CCBE1: variants seen among roughly 807,000 people sequenced by gnomAD.
CCBE1 encodes collagen and calcium binding EGF domains 1, also known as collagen and calcium-binding EGF domain-containing protein 1.
CCBE1 carries 37 observed loss-of-function variants against 50.0 expected under a neutral mutation model. The ratio of observed to expected loss-of-function variants is 0.74; its 90% CI spans 0.57 to 0.97. CCBE1 has a LOEUF of 0.97. Among genes scored for constraint, CCBE1 ranks in the 50% least tolerant of loss-of-function variants. The pLI, the probability that CCBE1 is intolerant of heterozygous loss-of-function variation, is 0.00. For missense variants in CCBE1, 538 were observed against 523.8 expected (o/e 1.03, Z -0.26); for synonymous variants, 234 against 203.7 (o/e 1.15, Z -1.27).
At chr18:59,476,130 T>C (rs1444967150) in intron 3 of CCBE1, among the ~76,000 whole-genome samples, 3 of 152,158 alleles carry the variant, frequency 2.0e-5, no homozygotes, top group Non-Finnish European at 4.4e-5. Flanking sequence ...TCTGCCACTA[T>C]CTCGGTGATC....
At chr18:59,653,998 A>G (rs555908558) in intron 2 of CCBE1, among the ~76,000 whole-genome samples, 1 of 152,348 alleles carries the variant, frequency 6.6e-6, no homozygotes, top group South Asian at 2.1e-4. Context: ...CACATTCCTA[A>G]AATATCACAT....
chr18:59,552,824 T>C (rs748478395), intron 2 of CCBE1, among the ~76,000 whole-genome samples: 6 of 152,206 alleles, frequency 3.9e-5, no homozygotes, highest in Non-Finnish European at 5.9e-5. Context: ...TACACTTATG[T>C]CTTTGAAATG....
intron 2 of CCBE1, among the ~76,000 whole-genome samples, chr18:59,489,423 A>ATTTAT (rs1568167362): frequency 6.6e-6 from 1 of 151,470 alleles, no homozygotes; most frequent in African/African-American, 2.4e-5. Context: ...TTATTTATTT[A>ATTTAT]TTTTTTTTGA....
chr18:59,682,134 T>C (rs57266377), intron 2 of CCBE1, among the ~76,000 whole-genome samples: 5 of 152,112 alleles, frequency 3.3e-5, no homozygotes, highest in Non-Finnish European at 7.4e-5. Context: ...GAGGCCAAGG[T>C]GGGCAGATCA....
At chr18:59,442,204 A>C (rs1910462672) in intron 7 of CCBE1, among the ~76,000 whole-genome samples, 1 of 152,128 alleles carries the variant, frequency 6.6e-6, no homozygotes, top group African/African-American at 2.4e-5. Flanking sequence ...GACTTGTTAA[A>C]CTCGGTATAG....
chr18:59,442,601 G>T (rs993184477), intron 7 of CCBE1, among the ~76,000 whole-genome samples: 1 of 151,996 alleles, frequency 6.6e-6, no homozygotes, highest in African/African-American at 2.4e-5. Flanking sequence ...GATGGCAAGC[G>T]CCTATAATCC....
At chr18:59,489,629 T>A (rs1912996974) in intron 2 of CCBE1, among the ~76,000 whole-genome samples, 1 of 152,076 alleles carries the variant, frequency 6.6e-6, no homozygotes, top group South Asian at 2.1e-4. Context: ...GCCAGGCTGG[T>A]CTCGAACTCC....
At chr18:59,458,413 T>A (rs1223280745) in intron 5 of CCBE1, among the ~76,000 whole-genome samples, 2 of 152,242 alleles carry the variant, frequency 1.3e-5, no homozygotes, top group African/African-American at 4.8e-5. Context: ...AGTTAAAAGC[T>A]CATGTTTCTG....
intron 2 of CCBE1, among the ~76,000 whole-genome samples, chr18:59,544,557 C>G (rs1371620399): frequency 6.6e-6 from 1 of 152,328 alleles, no homozygotes; most frequent in Non-Finnish European, 1.5e-5. Flanking sequence ...GTTTTTCTCT[C>G]AGGTCCTTCC....
rs71177045 is a variant in CCBE1 at position 59,601,010 on chromosome 18, G to GTTTTTTTTTTTTTTT, written c.212+95604_212+95618dup. On this transcript the variant is annotated intron_variant, in intron 2 of 10. Coordinates refer to ENST00000439986, the MANE Select transcript of CCBE1 (RefSeq NM_133459.4). ...GATCTATTTTATTAGCTATGTGTCA[G>GTTTTTTTTTTTTTTT]TTTTTTTTTTTTTTTTTTTTTTTTT... is the stretch of plus-strand genomic sequence containing the variant. Among the ~76,000 whole-genome samples, 51 of 58,014 alleles carry GTTTTTTTTTTTTTTT rather than the reference G, an allele frequency of 8.8e-4. 20 individuals are homozygous for GTTTTTTTTTTTTTTT. The highest frequency in any genetic ancestry group is 1.2e-3 in the Non-Finnish European group (33 of 28,346). The allele number at this position is 58,014 out of a possible 152,430, so 38.1% of individuals were successfully genotyped here. A position where few individuals can be genotyped will look rare whatever the true frequency, so the allele number is the denominator to read the frequency against.
intron 2 of CCBE1, among the ~76,000 whole-genome samples, chr18:59,672,851 G>T (rs199639395): frequency 3.9e-5 from 6 of 152,132 alleles, no homozygotes; most frequent in African/African-American, 1.2e-4. Flanking sequence ...GGACTGCGGT[G>T]GGGGGAAGGG....
intron 2 of CCBE1, among the ~76,000 whole-genome samples, chr18:59,607,073 A>T (rs75384685): frequency 6.6e-6 from 1 of 151,978 alleles, no homozygotes; most frequent in East Asian, 1.9e-4. Flanking sequence ...AAAAAAAAAA[A>T]AAAGCACACA....
At chr18:59,493,094 C>G (rs565103402) in intron 2 of CCBE1, among the ~76,000 whole-genome samples, 1 of 152,238 alleles carries the variant, frequency 6.6e-6, no homozygotes, top group East Asian at 1.9e-4. Flanking sequence ...TTGCTGATTC[C>G]AAGTTTCGTC....
Position 59,532,024 on chromosome 18 carries a change from A to G in CCBE1, c.213-51786T>C, listed in dbSNP as rs533270947. ...ATCATTTCCATGTCCACTGGACACC[A>G]AATAAACATACTCATGACCGTCTAT... On this transcript the variant is annotated intron_variant, in intron 2 of 10. Transcript: ENST00000439986. 3.5e-4 allele frequency among the ~76,000 whole-genome samples: 53 copies of G among 152,326 alleles called. No individual in the cohort carries two copies. The South Asian group carries it at 6.6e-3, about 19-fold the overall frequency.
At chr18:59,636,352 C>T (rs1234883740) in intron 2 of CCBE1, among the ~76,000 whole-genome samples, 3 of 152,216 alleles carry the variant, frequency 2.0e-5, no homozygotes, top group Non-Finnish European at 1.5e-5. Flanking sequence ...AAGAGGCGAA[C>T]ATTTTTAACC....
At chr18:59,568,575 G>T (rs578001069) in intron 2 of CCBE1, 1 of 152,172 alleles carries the variant, frequency 6.6e-6, no homozygotes, top group Non-Finnish European at 1.5e-5. Context: ...GAGAACTAGG[G>T]AGAAGATGGC....
chr18:59,675,065 T>C (rs543033459), intron 2 of CCBE1, among the ~76,000 whole-genome samples: 28 of 152,186 alleles, frequency 1.8e-4, no homozygotes, highest in Non-Finnish European at 3.5e-4. Flanking sequence ...AGGCACAACA[T>C]TGAAACAGGA....
chr18:59,566,804 C>A (rs558834320), intron 2 of CCBE1, among the ~76,000 whole-genome samples: 74 of 152,200 alleles, frequency 4.9e-4, no homozygotes, highest in African/African-American at 1.7e-3. Context: ...CGCTGCTGCC[C>A]CAACCCCCAA....
chr18:59,685,803 G>C (rs192319139), intron 2 of CCBE1: 19 of 152,366 alleles, frequency 1.2e-4, no homozygotes, highest in South Asian at 1.0e-3. Context: ...TGTTGTTATA[G>C]TGATATAGTG....
Sources: gnomAD v4.1 joint callset for allele counts (sites outside exome capture counted in the v4.1 genomes callset) on GRCh38, gnomAD v4.1.1 for gene constraint, MANE v1.5 for transcripts, NCBI Gene and HGNC (gene_info 2026-07-23, HGNC 2026-07-21) for gene names.